GAN: variants seen among roughly 807,000 people sequenced by gnomAD.
GAN encodes the protein gigaxonin.
In GAN, 48 loss-of-function variants were observed where a neutral mutation model predicts 71.3. That is an observed-to-expected ratio of 0.67 (90% CI 0.53 to 0.86). The LOEUF (loss-of-function observed/expected upper bound fraction) is 0.86, where lower values mean the gene tolerates loss of function less well. Ranked by LOEUF, GAN falls within the 40% of genes least tolerant of loss-of-function variation. The probability of loss-of-function intolerance (pLI) is 0.00; values close to 1 mark genes in which losing one functional copy is unlikely to be tolerated. For missense variants in GAN, 928 were observed against 770.1 expected, an observed-to-expected ratio of 1.21 and a Z score of -2.43; for synonymous variants, 386 against 276.8, an observed-to-expected ratio of 1.39 and a Z score of -3.92.
intron 1 of GAN, among the ~76,000 whole-genome samples, chr16:81,329,874 A>T (rs955648200): frequency 6.6e-6 from 1 of 152,080 alleles, no homozygotes; most frequent in Non-Finnish European, 1.5e-5. Context: ...CCCCAGACCC[A>T]CTGATACCAA....
chr16:81,365,525 C>T, intron 9 of GAN, 47 bp downstream of exon 9: 1 of 1,576,428 alleles, frequency 6.3e-7, no homozygotes, highest in Non-Finnish European at 8.7e-7. Flanking sequence ...TTTCTTTGTG[C>T]TTTCAGTCGT....
At chr16:81,323,931 T>C (rs1909297633) in intron 1 of GAN, among the ~76,000 whole-genome samples, 1 of 152,200 alleles carries the variant, frequency 6.6e-6, no homozygotes, top group South Asian at 2.1e-4. Context: ...TTTCTATCTC[T>C]GTGGGGCTGG....
intron 6 of GAN, among the ~76,000 whole-genome samples, chr16:81,362,940 G>T (rs1440030622): frequency 6.6e-6 from 1 of 152,098 alleles, no homozygotes; most frequent in Non-Finnish European, 1.5e-5. Context: ...TCCTGTCCCC[G>T]TCTTCGTACG....
intron 1 of GAN, among the ~76,000 whole-genome samples, chr16:81,328,449 A>G (rs1909460537): frequency 6.6e-6 from 1 of 152,210 alleles, no homozygotes; most frequent in Non-Finnish European, 1.5e-5. Context: ...TTTAATTTGC[A>G]GGCTGAATGA....
intron 1 of GAN, among the ~76,000 whole-genome samples, chr16:81,343,497 G>A (rs185414639): frequency 1.3e-5 from 2 of 152,206 alleles, no homozygotes; most frequent in African/African-American, 4.8e-5. Context: ...CATCACATAA[G>A]CAGAACCAAC....
rs775254279 is a variant in GAN, at chr16:81,353,246, T to G, written c.283-1159T>G. 2.6e-3 allele frequency among the ~76,000 whole-genome samples: 376 copies of G among 146,200 alleles called. 1 individual carries two copies. Among genetic ancestry groups the G allele is most frequent in the African/African-American group, 9.2e-3 (356 of 38,654 alleles). The stretch of plus-strand genomic sequence containing the variant: ...GGCGGAGCCTGCAGTGAGCCGAGAT[T>G]GCGCCACTGCACTCCAGCGTGGGCG... On this transcript the variant is annotated intron_variant, in intron 2 of 10. Transcript: ENST00000648994.
intron 1 of GAN, among the ~76,000 whole-genome samples, chr16:81,321,574 G>A (rs1408439643): frequency 6.6e-6 from 1 of 152,144 alleles, no homozygotes; most frequent in Admixed American, 6.5e-5. Flanking sequence ...CTTATCCATT[G>A]TTTAAAGTGT....
At chr16:81,332,139 C>T (rs1909599320) in intron 1 of GAN, among the ~76,000 whole-genome samples, 1 of 134,484 alleles carries the variant, frequency 7.4e-6, no homozygotes. Context: ...TCAGCCTGGG[C>T]AACGAGAGGG....
In GAN at chr16:81,384,595, G is replaced by GT. The variant is rs1344246279; in HGVS notation, c.*7000dup. The GT allele has an allele frequency of 1.3e-5, 2 of 152,092 alleles. No homozygotes were observed. Among genetic ancestry groups the GT allele is most frequent in the African/African-American group, 4.8e-5 (2 of 41,396 alleles). 9.4% of individuals were successfully genotyped at this position (152,092 alleles called of 1,614,324 possible). ...TACTATTTTTTTCATTTCTTATAAG[G>GT]TGCTATTGTTTCCCAGAAATCTTTA... On this transcript the variant is annotated 3_prime_UTR_variant, in exon 11 of 11. Coordinates refer to ENST00000648994, the MANE Select transcript of GAN (RefSeq NM_022041.4).
At position 81,385,990 on chromosome 16, in the gene GAN, A is replaced by G. The variant is rs1007738592; in HGVS notation, c.*8394A>G. The G allele has an allele frequency of 2.6e-5, 4 of 152,088 alleles. No homozygotes were observed. Among genetic ancestry groups the G allele is most frequent in the Non-Finnish European group, 4.4e-5 (3 of 68,034 alleles). 9.4% of individuals were successfully genotyped at this position (152,088 alleles called of 1,614,324 possible). On this transcript the variant is annotated 3_prime_UTR_variant, in exon 11 of 11. Coordinates refer to ENST00000648994, the MANE Select transcript of GAN (RefSeq NM_022041.4). ...GGTCTCGAGCTCCTGAGCTCAGGCA[A>G]TCCGCCTGCCTCAACCTCCCAAAGT...
intron 1 of GAN, among the ~76,000 whole-genome samples, chr16:81,340,912 G>T (rs1288494819): frequency 6.6e-6 from 1 of 151,952 alleles, no homozygotes; most frequent in Non-Finnish European, 1.5e-5. Context: ...TTAGACAAAT[G>T]GCTAACTAGA....
chr16:81,336,630 T>G (rs1051550402), intron 1 of GAN, among the ~76,000 whole-genome samples: 1 of 97,608 alleles, frequency 1.0e-5, no homozygotes. Context: ...CCCAGTTGGC[T>G]AATTTTTTTT....
At chr16:81,363,023 T>A (rs1282496962) in intron 6 of GAN, among the ~76,000 whole-genome samples, 1 of 152,246 alleles carries the variant, frequency 6.6e-6, no homozygotes, top group Non-Finnish European at 1.5e-5. Flanking sequence ...GAATTACATG[T>A]GTTCTGGTCA....
At chr16:81,318,026 C>G (rs929080875) in intron 1 of GAN, among the ~76,000 whole-genome samples, 4 of 152,144 alleles carry the variant, frequency 2.6e-5, no homozygotes, top group African/African-American at 7.2e-5. Context: ...AGTAATTTGA[C>G]GAATCTGTAT....
At chr16:81,316,491 G>C (rs575170684) in intron 1 of GAN, among the ~76,000 whole-genome samples, 3 of 139,274 alleles carry the variant, frequency 2.2e-5, no homozygotes, top group South Asian at 5.4e-4. Flanking sequence ...GTGGAGGGGT[G>C]GGGGGGCGGG....
At chr16:81,333,724 T>A (rs1482575971) in intron 1 of GAN, among the ~76,000 whole-genome samples, 1 of 152,210 alleles carries the variant, frequency 6.6e-6, no homozygotes, top group Admixed American at 6.5e-5. Flanking sequence ...TCTGAATCCA[T>A]ACTTAGTACC....
rs140627931 is a variant in GAN, at chr16:81,330,725, A to G, written c.167+15445A>G. Among the ~76,000 whole-genome samples, 334 of 152,362 alleles carry G rather than the reference A, an allele frequency of 2.2e-3. 2 individuals are homozygous for G. The highest frequency in any genetic ancestry group is 7.6e-3 in the African/African-American group (316 of 41,582). ...GAAAAAGGTATTTATGTATTCCCAA[A>G]TTATCTCCTTGAATATACTTACAAA... On this transcript the variant is annotated intron_variant, in intron 1 of 10. Transcript: ENST00000648994.
intron 9 of GAN, 78 bp downstream of exon 9, chr16:81,365,556 T>A: frequency 1.4e-6 from 2 of 1,394,828 alleles, no homozygotes; most frequent in South Asian, 2.3e-5. Flanking sequence ...TGTTTAGTTT[T>A]GTTTTCAGTC....
intron 1 of GAN, among the ~76,000 whole-genome samples, chr16:81,328,465 C>G (rs924431894): frequency 6.6e-6 from 1 of 152,240 alleles, no homozygotes; most frequent in South Asian, 2.1e-4. Context: ...AATGATGACA[C>G]CATAAACAAA....
Sources: allele counts gnomAD v4.1 joint callset (sites outside exome capture counted in the v4.1 genomes callset), GRCh38; gene constraint gnomAD v4.1.1; transcripts MANE v1.5; gene names NCBI Gene and HGNC (gene_info 2026-07-23, HGNC 2026-07-21).